SEMA4A: variants seen among roughly 807,000 people sequenced by gnomAD.
SEMA4A encodes the protein semaphorin-4A.
Under a neutral mutation model 72.5 loss-of-function variants are expected in SEMA4A, and 52 were observed. That is an observed-to-expected ratio of 0.72 (90% CI 0.57 to 0.90). SEMA4A has a LOEUF of 0.90. Ranked by LOEUF, SEMA4A falls within the 40% of genes least tolerant of loss-of-function variation. SEMA4A has a pLI of 0.00. For synonymous variants in SEMA4A, 369 were observed against 393.1 expected (o/e 0.94, Z 0.73); for missense variants, 926 against 959.7 (o/e 0.96, Z 0.46).
intron 9 of SEMA4A, 76 bp downstream of exon 9, chr1:156,161,594 C>A (rs1653673373): frequency 3.3e-6 from 5 of 1,514,402 alleles, no homozygotes; most frequent in Admixed American, 1.7e-5. Context: ...TGAGCGGAGG[C>A]AGGAATTGAC....
intron 9 of SEMA4A, among the ~76,000 whole-genome samples, chr1:156,162,331 G>A (rs573736386): frequency 6.6e-6 from 1 of 152,216 alleles, no homozygotes; most frequent in South Asian, 2.1e-4. Flanking sequence ...CAAGGTCCCC[G>A]AGTCATGGTC....
rs1366994988 is a variant in SEMA4A at position 156,175,622 on chromosome 1, C to G, written c.1659C>G (p.Ser553Arg). ...PEWACASGPM[S>R]RSLRPQSRPQ... is the part of the protein sequence containing the mutation. The stretch of plus-strand genomic sequence containing the variant: ...GGGCATGTGCCAGTGGCCCCATGAG[C>G]AGGAGCCTTCGGCCTCAGAGCCGCC... Residue 553 changes from serine to arginine, a missense_variant, in exon 14 of 15, where the codon AGC becomes AGG. By Grantham distance (110) the Ser-to-Arg change is moderately radical (BLOSUM62 -1). Coordinates refer to ENST00000368285, the MANE Select transcript of SEMA4A (RefSeq NM_022367.4). 1.2e-6 allele frequency: 2 copies of G among 1,612,042 alleles called. No individual in the cohort carries two copies. Among genetic ancestry groups the G allele is most frequent in the Non-Finnish European group, 1.7e-6 (2 of 1,179,212 alleles).
rs1387397737 is a variant in SEMA4A at position 156,176,840 on chromosome 1, T to G, written c.2129T>G (p.Leu710Arg). The change falls in exon 15 of 15, where the codon CTC becomes CGC. Residue 710 changes from leucine (L) to arginine (R), a missense_variant. Leu to Arg is a moderately radical substitution (Grantham distance 102). Transcript: ENST00000368285. The stretch of plus-strand genomic sequence containing the variant: ...CTCGTGGCCTCCCCATTGAGAGCAC[T>G]CCGGGCTCGGGGCAAGGTTCAGGGC... ...IILVASPLRA[L>R]RARGKVQGCE... 8 of 1,614,198 alleles carry G rather than the reference T, an allele frequency of 5.0e-6. No homozygotes were observed. Among genetic ancestry groups the G allele is most frequent in the Non-Finnish European group, 6.8e-6 (8 of 1,180,020 alleles).
At chr1:156,148,426 C>G (rs1483118817), upstream of SEMA4A, among the ~76,000 whole-genome samples, 1 of 152,212 alleles carries the variant, frequency 6.6e-6, no homozygotes, top group Non-Finnish European at 1.5e-5. Context: ...GGGTCCACTT[C>G]CGATTTCAGC....
At chr1:156,154,500 T>G in intron 1 of SEMA4A, 50 bp from the exon 2 acceptor site, 2 of 1,507,326 alleles carry the variant, frequency 1.3e-6, no homozygotes, top group Non-Finnish European at 1.8e-6. Context: ...CTCGGGGGGA[T>G]GTGGTAAGAA....
rs1044292090 is a variant in SEMA4A at position 156,173,071 on chromosome 1, G to A, written c.1315+65G>A. ...GCAGAGGATGCCCCCAGGTTGAGGA[G>A]GGAAACCCTTGAGTTCATTCACTTA... is the stretch of plus-strand genomic sequence containing the variant. On this transcript the variant is annotated intron_variant, in intron 11 of 14. Coordinates refer to ENST00000368285, the MANE Select transcript of SEMA4A (RefSeq NM_022367.4). 5.3e-6 allele frequency: 8 copies of A among 1,501,152 alleles called. No homozygotes were observed. In the African/African-American group the frequency reaches 5.5e-5, roughly 10 times the overall value. The allele number at this position is 1,501,152 out of a possible 1,614,324, so 93.0% of individuals were successfully genotyped here.
chr1:156,150,796 C>T (rs947102496), upstream of SEMA4A, among the ~76,000 whole-genome samples: 3 of 152,132 alleles, frequency 2.0e-5, no homozygotes, highest in Non-Finnish European at 4.4e-5. Flanking sequence ...GGGGCTACAT[C>T]GCATGCTGTG....
chr1:156,150,313 A>G (rs1254721453), upstream of SEMA4A: 1 of 152,604 alleles, frequency 6.6e-6, no homozygotes, highest in Non-Finnish European at 1.5e-5. Context: ...AGGCTGGGAG[A>G]CAGTGGGGAT....
upstream of SEMA4A, chr1:156,150,171 G>C (rs1004115545): frequency 6.6e-6 from 1 of 152,358 alleles, no homozygotes; most frequent in Non-Finnish European, 1.5e-5. Context: ...CCCTAAAGAG[G>C]GGGCTGACAG....
chr1:156,154,378 T>C, intron 1 of SEMA4A, 172 bp from the exon 2 acceptor site: 2 of 625,562 alleles, frequency 3.2e-6, no homozygotes, highest in East Asian at 2.8e-5. Context: ...GGAAGGATGA[T>C]GAAAGTGAGA....
In SEMA4A at chr1:156,163,024, A is replaced by G. The variant is rs940455117; in HGVS notation, c.1064A>G (p.Lys355Arg). ...GAACGTGTCTTTAAGGGGAAATACA[A>G]AGAGTTGAACAAAGAAACTTCACGC... ...DIERVFKGKYKELNKETSRWT... is the reference protein window; with the variant it reads ...DIERVFKGKYRELNKETSRWT... Residue 355 changes from lysine (K) to arginine (R), a missense_variant, in exon 10 of 15, where the codon AAA becomes AGA. Lys to Arg is a conservative substitution (Grantham distance 26, BLOSUM62 2). Coordinates refer to ENST00000368285, the MANE Select transcript of SEMA4A (RefSeq NM_022367.4). The G allele has an allele frequency of 1.2e-6, 2 of 1,614,044 alleles. No homozygotes were observed. The highest frequency in any genetic ancestry group is 1.3e-5 in the African/African-American group (1 of 74,908).
chr1:156,164,624 C>T lies in SEMA4A; in HGVS notation c.1134+1530C>T, dbSNP rs773493373. Among the ~76,000 whole-genome samples, 18 of 152,218 alleles carry T rather than the reference C, an allele frequency of 1.2e-4. No individual in the cohort carries two copies. In the East Asian group the frequency reaches 1.3e-3, roughly 11 times the overall value. ...ACTGCACCCACCCCCAATCTCCTAA[C>T]GTAGTTTTCTAGTAATTTTGGTTAG... On this transcript the variant is annotated intron_variant, in intron 10 of 14. Transcript: ENST00000368285.
rs1176789236 is a variant in SEMA4A at position 156,177,633 on chromosome 1, TCCTTTA to T, written c.*639_*644del. On this transcript the variant is annotated 3_prime_UTR_variant, in exon 15 of 15. Transcript: ENST00000368285. ...CAGGGGTAATCTGAGCCTTCTTCACTCCTTTACCCTAGCTGACCCCTTCACCTCTCC... is the reference window on the plus strand; with the variant it reads ...CAGGGGTAATCTGAGCCTTCTTCACTCCCTAGCTGACCCCTTCACCTCTCC... The T allele has an allele frequency of 2.5e-5, 4 of 159,566 alleles. No homozygotes were observed. The highest frequency in any genetic ancestry group is 5.6e-5 in the Non-Finnish European group (4 of 71,694). 9.9% of individuals were successfully genotyped at this position (159,566 alleles called of 1,614,324 possible).
Position 156,158,409 on chromosome 1 carries a change from C to T in SEMA4A, c.385C>T (p.Arg129Cys), listed in dbSNP as rs750577046. Residue 129 changes from arginine (R) to cysteine (C), a missense_variant, in exon 5 of 15, where the codon CGT (arginine) becomes TGT (cysteine). By Grantham distance (180) the Arg-to-Cys change is radical (BLOSUM62 -3). Transcript: ENST00000368285. ...TCAGACACAGTGTTTCAACTTCATCCGTGTCCTGGTTTCTTACAATGTCAC... is the reference window on the plus strand; with the variant it reads ...TCAGACACAGTGTTTCAACTTCATCTGTGTCCTGGTTTCTTACAATGTCAC... ...SNETQCFNFI[R>C]VLVSYNVTHL... is the part of the protein sequence containing the mutation. The T allele has an allele frequency of 2.5e-6, 4 of 1,613,756 alleles. No individual in the cohort carries two copies. Among genetic ancestry groups the T allele is most frequent in the South Asian group, 1.1e-5 (1 of 91,068 alleles).
chr1:156,164,453 T>TC (rs1653975681), intron 10 of SEMA4A, among the ~76,000 whole-genome samples: 2 of 152,164 alleles, frequency 1.3e-5, no homozygotes, highest in Admixed American at 6.5e-5. Flanking sequence ...TTTTTGCCCA[T>TC]CTTTTTCCAA....
intron 10 of SEMA4A, among the ~76,000 whole-genome samples, chr1:156,169,744 C>T (rs1181940350): frequency 6.6e-6 from 1 of 150,958 alleles, no homozygotes. Context: ...TAAAAATTCC[C>T]TGGTCGGGCG....
chr1:156,161,610 C>T (rs1241783406), intron 9 of SEMA4A, 92 bp downstream of exon 9: 19 of 1,367,488 alleles, frequency 1.4e-5, no homozygotes, highest in Non-Finnish European at 1.5e-5. Flanking sequence ...TTGACATGAG[C>T]CAGCACCTAC....
chr1:156,175,198 G>T lies in SEMA4A; in HGVS notation c.1547G>T (p.Trp516Leu). ...CVLARDPHCA[W>L]DPESRTCCLL... ...CTTGCCCGGGACCCCCACTGTGCCT[G>T]GGACCCTGAGTCCCGAACCTGTTGC... Residue 516 changes from tryptophan to leucine, a missense_variant, in exon 13 of 15, where the codon TGG becomes TTG. Transcript: ENST00000368285. 1 of 1,614,038 alleles carries T rather than the reference G, an allele frequency of 6.2e-7. No individual in the cohort carries two copies. The highest frequency in any genetic ancestry group is 8.5e-7 in the Non-Finnish European group (1 of 1,179,980).
Position 156,160,520 on chromosome 1 carries a change from C to A in SEMA4A, c.646C>A (p.Pro216Thr), listed in dbSNP as rs1422875816. Residue 216 changes from proline (P) to threonine (T), a missense_variant, in exon 7 of 15, where the codon CCT (proline) becomes ACT (threonine). Physicochemically the swap from Pro to Thr is conservative, Grantham distance 38. Coordinates refer to ENST00000368285, the MANE Select transcript of SEMA4A (RefSeq NM_022367.4). Reference sequence around the variant, plus strand: ...CCTGATGCGCACACTGGGATCCCAGCCTGTCCTCAAGACCGACAACTTCCT... The same window carrying A: ...CCTGATGCGCACACTGGGATCCCAGACTGTCCTCAAGACCGACAACTTCCT... ...PILMRTLGSQ[P>T]VLKTDNFLRW... 9.9e-6 allele frequency: 16 copies of A among 1,614,038 alleles called. No homozygotes were observed. The highest frequency in any genetic ancestry group is 7.7e-5 in the South Asian group (7 of 91,082).
Sources: allele counts gnomAD v4.1 joint callset (sites outside exome capture counted in the v4.1 genomes callset), GRCh38; gene constraint gnomAD v4.1.1; transcripts MANE v1.5; gene names NCBI Gene and HGNC (gene_info 2026-07-23, HGNC 2026-07-21).